The following MATN2 variants were observed in gnomAD, a reference collection of about 807,000 sequenced individuals.
The protein encoded by MATN2 is matrilin-2.
In MATN2, 69 loss-of-function variants were observed where a neutral mutation model predicts 103.2. The observed-to-expected ratio is 0.67, with a 90% confidence interval of 0.55 to 0.82. The LOEUF (loss-of-function observed/expected upper bound fraction) is 0.82. Among genes scored for constraint, MATN2 ranks in the 40% least tolerant of loss-of-function variants. The pLI, the probability that MATN2 is intolerant of heterozygous loss-of-function variation, is 0.00. For synonymous variants in MATN2, 429 were observed against 450.2 expected (o/e 0.95, Z 0.60); for missense variants, 1,023 against 1,211.5 (o/e 0.84, Z 2.31).
chr8:98,009,183 A>T (rs1156353858), intron 10 of MATN2, among the ~76,000 whole-genome samples: 1 of 152,198 alleles, frequency 6.6e-6, no homozygotes, highest in East Asian at 1.9e-4. Flanking sequence ...TATAGGAGAG[A>T]TGCATTTCAC....
At chr8:97,922,295 T>G (rs1213249452) in intron 2 of MATN2, among the ~76,000 whole-genome samples, 2 of 152,216 alleles carry the variant, frequency 1.3e-5, no homozygotes, top group African/African-American at 4.8e-5. Flanking sequence ...TTTCTATTTG[T>G]TTTGCTCTGA....
intron 1 of MATN2, among the ~76,000 whole-genome samples, chr8:97,884,279 T>C (rs1818352853): frequency 6.6e-6 from 1 of 151,986 alleles, no homozygotes; most frequent in Admixed American, 6.6e-5. Flanking sequence ...TAGCTGGGAT[T>C]ACAGGCTTGC....
intron 1 of MATN2, among the ~76,000 whole-genome samples, chr8:97,877,685 T>A (rs1364682691): frequency 6.6e-6 from 1 of 152,008 alleles, no homozygotes; most frequent in East Asian, 1.9e-4. Flanking sequence ...CAATTCCACC[T>A]GCAGAAATTC....
chr8:97,906,996 AC>A (rs1290351604), intron 2 of MATN2, among the ~76,000 whole-genome samples: 1 of 127,198 alleles, frequency 7.9e-6, no homozygotes, highest in Non-Finnish European at 1.6e-5. Flanking sequence ...ACCATAGCTG[AC>A]TTTTTTTTTT....
intron 13 of MATN2, among the ~76,000 whole-genome samples, chr8:98,023,019 C>A (rs1251607547): frequency 1.3e-5 from 2 of 152,064 alleles, no homozygotes; most frequent in Non-Finnish European, 1.5e-5. Flanking sequence ...ACCTGGGAGG[C>A]GGAGGTTGCA....
At chr8:97,914,527 C>T (rs1169620338) in intron 2 of MATN2, among the ~76,000 whole-genome samples, 1 of 151,428 alleles carries the variant, frequency 6.6e-6, no homozygotes, top group Non-Finnish European at 1.5e-5. Context: ...TGCACCATTA[C>T]ACCCGGCTAC....
chr8:98,022,421 G>A (rs1813631342), intron 13 of MATN2, among the ~76,000 whole-genome samples: 1 of 151,812 alleles, frequency 6.6e-6, no homozygotes, highest in Admixed American at 6.6e-5. Context: ...TGTTCCAAAT[G>A]CATGTATTAT....
chr8:98,032,266 A>G lies in MATN2; in HGVS notation c.2530A>G (p.Arg844Gly). 1.2e-6 allele frequency: 2 copies of G among 1,612,090 alleles called. No individual in the cohort carries two copies. The highest frequency in any genetic ancestry group is 1.7e-6 in the Non-Finnish European group (2 of 1,179,044). ...ICEALEDSDGRQDSPAGELPK... is the reference protein window; with the variant it reads ...ICEALEDSDGGQDSPAGELPK... ...CTCAGCTCTAGAAGACTCCGATGGA[A>G]GACAGGACTCTCCAGCAGGGGAACT... The change falls in exon 16 of 19, where the codon AGA (arginine) becomes GGA (glycine). Residue 844 changes from arginine to glycine, a missense_variant. Arg to Gly is a moderately radical substitution (Grantham distance 125). Transcript: ENST00000254898.
At chr8:97,977,733 C>T (rs1013396078) in intron 5 of MATN2, among the ~76,000 whole-genome samples, 7 of 152,158 alleles carry the variant, frequency 4.6e-5, no homozygotes, top group African/African-American at 1.4e-4. Flanking sequence ...CTGCCCCCTT[C>T]TCATCTCCCA....
At chr8:97,887,448 T>C (rs1818475052) in intron 1 of MATN2, among the ~76,000 whole-genome samples, 5 of 152,240 alleles carry the variant, frequency 3.3e-5, no homozygotes, top group Admixed American at 3.3e-4. Flanking sequence ...GTGGGAATAA[T>C]ATTAGGTAAT....
At chr8:97,966,244 G>A (rs988536447) in intron 5 of MATN2, among the ~76,000 whole-genome samples, 1 of 151,932 alleles carries the variant, frequency 6.6e-6, no homozygotes, top group African/African-American at 2.4e-5. Flanking sequence ...AGTGATGGAA[G>A]AGTGATGGAA....
intron 10 of MATN2, among the ~76,000 whole-genome samples, chr8:98,013,586 A>C (rs1385925449): frequency 6.6e-6 from 1 of 152,226 alleles, no homozygotes; most frequent in Admixed American, 6.5e-5. Flanking sequence ...GGGGCTAGGA[A>C]AAAGTCTAAA....
At chr8:97,934,673 T>G (rs537643762) in intron 3 of MATN2, among the ~76,000 whole-genome samples, 1 of 152,334 alleles carries the variant, frequency 6.6e-6, no homozygotes. Flanking sequence ...AAGATGATTT[T>G]GAGAGCTTCA....
chr8:97,873,535 T>C (rs1220926975), intron 1 of MATN2, among the ~76,000 whole-genome samples: 1 of 152,096 alleles, frequency 6.6e-6, no homozygotes. Flanking sequence ...TTTCACCATG[T>C]TGGCCAGGCT....
intron 2 of MATN2, among the ~76,000 whole-genome samples, chr8:97,897,879 C>T (rs1179410705): frequency 6.6e-6 from 1 of 152,206 alleles, no homozygotes; most frequent in Non-Finnish European, 1.5e-5. Context: ...AAAAGCACAG[C>T]GTCTGACCTC....
chr8:97,996,546 T>C (rs1324647516), intron 7 of MATN2, among the ~76,000 whole-genome samples: 1 of 152,170 alleles, frequency 6.6e-6, no homozygotes, highest in African/African-American at 2.4e-5. Context: ...AAAATGAAAT[T>C]TGTTCCTAAA....
intron 2 of MATN2, among the ~76,000 whole-genome samples, chr8:97,904,177 T>C (rs1035478194): frequency 6.6e-6 from 1 of 152,230 alleles, no homozygotes; most frequent in Non-Finnish European, 1.5e-5. Flanking sequence ...AAGTAGGTAT[T>C]AGCTATTCCT....
intron 2 of MATN2, among the ~76,000 whole-genome samples, chr8:97,907,479 T>A (rs1401352596): frequency 1.7e-5 from 1 of 57,810 alleles, no homozygotes; most frequent in Non-Finnish European, 4.3e-5. Context: ...AGCTGGCTAA[T>A]TTTTTTTTTT....
chr8:97,895,998 C>G (rs1818795374), intron 2 of MATN2, among the ~76,000 whole-genome samples: 1 of 152,132 alleles, frequency 6.6e-6, no homozygotes, highest in African/African-American at 2.4e-5. Flanking sequence ...TATTTTAGCC[C>G]CTGCTTGCTC....
Sources: gnomAD v4.1 joint callset for allele counts (sites outside exome capture counted in the v4.1 genomes callset) on GRCh38, gnomAD v4.1.1 for gene constraint, MANE v1.5 for transcripts, NCBI Gene and HGNC (gene_info 2026-07-23, HGNC 2026-07-21) for gene names.